The following TUT4 variants were observed in gnomAD, a reference collection of about 807,000 sequenced individuals.
TUT4 encodes terminal uridylyl transferase 4.
Under a neutral mutation model 192.2 loss-of-function variants are expected in TUT4, and 36 were observed. The observed-to-expected ratio is 0.19, with a 90% CI of 0.14 to 0.25. The LOEUF (loss-of-function observed/expected upper bound fraction) is 0.25. Ranked by LOEUF, TUT4 falls within the 10% of genes least tolerant of loss-of-function variation. The pLI, the probability that TUT4 is intolerant of heterozygous loss-of-function variation, is 1.00. For missense variants in TUT4, 1,493 were observed against 1,957.2 expected (o/e 0.76, Z 4.47); for synonymous variants, 618 against 666.0 (o/e 0.93, Z 1.11).
Position 52,461,590 on chromosome 1 carries a change from T to C in TUT4, c.3154A>G (p.Thr1052Ala). The change falls in exon 18 of 30, where the codon ACT (threonine) becomes GCT (alanine). Residue 1052 changes from threonine to alanine, a missense_variant. Transcript: ENST00000257177. ...AATTTTACTATAGGCACTTTGGCAG[T>C]AGTTATAGGCAAAATGTTTCTTAAA... ...PGLRNILPIT[T>A]AKVPIVKFEH... 2 of 1,612,862 alleles carry C rather than the reference T, an allele frequency of 1.2e-6. No homozygotes were observed. Among genetic ancestry groups the C allele is most frequent in the Non-Finnish European group, 1.7e-6 (2 of 1,179,488 alleles).
At chr1:52,481,108 C>T (rs569479918) in intron 11 of TUT4, among the ~76,000 whole-genome samples, 2 of 152,262 alleles carry the variant, frequency 1.3e-5, no homozygotes, top group East Asian at 1.9e-4. Flanking sequence ...ACCCAATTGG[C>T]AACAAAATTC....
At chr1:52,484,838 G>A (rs1414898498) in intron 9 of TUT4, among the ~76,000 whole-genome samples, 1 of 152,306 alleles carries the variant, frequency 6.6e-6, no homozygotes, top group African/African-American at 2.4e-5. Flanking sequence ...CTGTGCCTTG[G>A]AGAGTTTTCC....
At chr1:52,480,573 A>G (rs1668248590) in intron 11 of TUT4, among the ~76,000 whole-genome samples, 1 of 152,220 alleles carries the variant, frequency 6.6e-6, no homozygotes, top group African/African-American at 2.4e-5. Context: ...TGGGAGGGGA[A>G]GTGATGTCAG....
intron 3 of TUT4, 35 bp from the exon 4 acceptor site, chr1:52,509,747 A>T: frequency 8.3e-7 from 1 of 1,207,140 alleles, no homozygotes; most frequent in Non-Finnish European, 1.2e-6. Flanking sequence ...CACTTTATTC[A>T]GAAAACAGAG....
Position 52,505,639 on chromosome 1 carries a change from C to T in TUT4, c.999+3957G>A, listed in dbSNP as rs143662731. Among the ~76,000 whole-genome samples, 1,411 of 152,050 alleles carry T rather than the reference C, an allele frequency of 9.3e-3. 9 individuals carry two copies. Among genetic ancestry groups the T allele is most frequent in the Admixed American group, 0.016 (248 of 15,246 alleles). Reference sequence around the variant, plus strand: ...GTTTCGCCACATTGGCCAGGCTGGTCTCGAATTCCCAACCTCAGGTGATCT... The same window carrying T: ...GTTTCGCCACATTGGCCAGGCTGGTTTCGAATTCCCAACCTCAGGTGATCT... On this transcript the variant is annotated intron_variant, in intron 4 of 29. Transcript: ENST00000257177.
chr1:52,520,248 T>C (rs1222723433), intron 2 of TUT4, among the ~76,000 whole-genome samples: 1 of 152,182 alleles, frequency 6.6e-6, no homozygotes, highest in Non-Finnish European at 1.5e-5. Flanking sequence ...TGTAAGGCTC[T>C]ACTAGCCACT....
At position 52,505,269 on chromosome 1, in the gene TUT4, A is replaced by AT. The variant is rs564829233; in HGVS notation, c.999+4326dup. Among the ~76,000 whole-genome samples the AT allele has an allele frequency of 4.6e-4, 70 of 151,722 alleles. 1 individual carries two copies. The East Asian group carries it at 0.013, about 28-fold the overall frequency. On this transcript the variant is annotated intron_variant, in intron 4 of 29. Coordinates refer to ENST00000257177, the MANE Select transcript of TUT4 (RefSeq NM_001009881.3). ...GATGATAACTGTTAGTTTTTTGTAG[A>AT]TTTTTTTTAACAGGGTCTCATTATA...
intron 20 of TUT4, among the ~76,000 whole-genome samples, chr1:52,450,755 T>G (rs1435424243): frequency 6.6e-6 from 1 of 152,178 alleles, no homozygotes; most frequent in Admixed American, 6.5e-5. Flanking sequence ...ACTAGTTATT[T>G]CTGGCTCTAA....
intron 19 of TUT4, 84 bp downstream of exon 19, chr1:52,461,050 C>A (rs1662415509): frequency 1.6e-6 from 2 of 1,214,806 alleles, no homozygotes; most frequent in Admixed American, 2.4e-5. Flanking sequence ...AAAACTGAGA[C>A]AAAATTTTTC....
chr1:52,491,451 A>T (rs1671116641), intron 7 of TUT4, among the ~76,000 whole-genome samples: 1 of 152,184 alleles, frequency 6.6e-6, no homozygotes, highest in Non-Finnish European at 1.5e-5. Flanking sequence ...GCACTTTGGG[A>T]GGCCGAGGTG....
intron 16 of TUT4, among the ~76,000 whole-genome samples, chr1:52,464,139 G>A (rs914636605): frequency 1.3e-5 from 2 of 152,138 alleles, no homozygotes; most frequent in African/African-American, 4.8e-5. Flanking sequence ...GAAGGTGGTT[G>A]TAAGAATGAA....
intron 1 of TUT4, among the ~76,000 whole-genome samples, chr1:52,543,922 T>C (rs1052604758): frequency 2.0e-5 from 3 of 152,048 alleles, no homozygotes; most frequent in East Asian, 3.9e-4. Flanking sequence ...AGACCCCAAA[T>C]AGCCAAAAGT....
At chr1:52,427,504 G>GCAAA (rs2148059788) in intron 28 of TUT4, among the ~76,000 whole-genome samples, 1 of 152,300 alleles carries the variant, frequency 6.6e-6, no homozygotes, top group South Asian at 2.1e-4. Context: ...ACATCAAAGG[G>GCAAA]CAAAACACTG....
intron 1 of TUT4, among the ~76,000 whole-genome samples, chr1:52,537,873 T>C (rs1410179185): frequency 1.3e-5 from 2 of 152,030 alleles, no homozygotes; most frequent in Non-Finnish European, 2.9e-5. Flanking sequence ...ATCGGGCCAC[T>C]GCACTCCAGT....
chr1:52,446,460 AAG>A lies in TUT4; in HGVS notation c.3514-20_3514-19del. 1 of 1,576,722 alleles carries A rather than the reference AAG, an allele frequency of 6.3e-7. No homozygotes were observed. Among genetic ancestry groups the A allele is most frequent in the Non-Finnish European group, 8.5e-7 (1 of 1,169,666 alleles). On this transcript the variant is annotated intron_variant, in intron 21 of 29. Coordinates refer to ENST00000257177, the MANE Select transcript of TUT4 (RefSeq NM_001009881.3). ...CGCTTTTTCTACATATAAAAAAAAA[AAG>A]AAAAGAACAATGTCTATACAGTACT...
intron 4 of TUT4, among the ~76,000 whole-genome samples, chr1:52,500,552 C>T (rs1673806822): frequency 6.6e-6 from 1 of 152,080 alleles, no homozygotes; most frequent in Admixed American, 6.5e-5. Context: ...CACCTGAGGT[C>T]AGGAATTCAA....
chr1:52,498,882 A>G (rs1213126998), intron 4 of TUT4, among the ~76,000 whole-genome samples: 3 of 98,212 alleles, frequency 3.1e-5, no homozygotes, highest in Non-Finnish European at 5.9e-5. Context: ...GCAAGACTCC[A>G]TTACAAAAAA....
At chr1:52,535,947 C>T (rs1684786506) in intron 1 of TUT4, among the ~76,000 whole-genome samples, 2 of 152,050 alleles carry the variant, frequency 1.3e-5, no homozygotes, top group Non-Finnish European at 2.9e-5. Flanking sequence ...ATTATATTTC[C>T]AGATAAACAA....
intron 2 of TUT4, among the ~76,000 whole-genome samples, chr1:52,516,576 T>C (rs1678765807): frequency 6.6e-6 from 1 of 152,238 alleles, no homozygotes; most frequent in Non-Finnish European, 1.5e-5. Context: ...GCCTCCTAAC[T>C]AGATTGTAAT....
Sources: gnomAD v4.1 joint callset for allele counts (sites outside exome capture counted in the v4.1 genomes callset) on GRCh38, gnomAD v4.1.1 for gene constraint, MANE v1.5 for transcripts, NCBI Gene and HGNC (gene_info 2026-07-23, HGNC 2026-07-21) for gene names.